The following CILK1 variants were observed in gnomAD, a reference collection of about 807,000 sequenced individuals.
CILK1 encodes the protein ciliogenesis associated kinase 1.
CILK1 carries 47 observed loss-of-function variants against 79.2 expected under a neutral mutation model. The observed-to-expected ratio is 0.59, with a 90% CI of 0.47 to 0.76. The LOEUF is 0.76. Among genes scored for constraint, CILK1 ranks in the 30% least tolerant of loss-of-function variants. The pLI is 0.00. For synonymous variants in CILK1, 266 were observed against 275.9 expected, an observed-to-expected ratio of 0.96 and a Z score of 0.36; for missense variants, 660 against 769.5, an observed-to-expected ratio of 0.86 and a Z score of 1.68.
At chr6:53,043,822 G>GCTTAGGGCACAGGA (rs1562038654) in intron 1 of CILK1, among the ~76,000 whole-genome samples, 1 of 151,730 alleles carries the variant, frequency 6.6e-6, no homozygotes, top group African/African-American at 2.4e-5. Flanking sequence ...TTTCAAGTAT[G>GCTTAGGGCACAGGA]TGGAGGGGAA....
chr6:53,061,339 T>C (rs1768434257), intron 1 of CILK1, among the ~76,000 whole-genome samples: 1 of 152,206 alleles, frequency 6.6e-6, no homozygotes, highest in East Asian at 1.9e-4. Flanking sequence ...GCAACGAGGC[T>C]TCAAATTAGC....
At chr6:53,019,911 A>G (rs1263064666) in intron 5 of CILK1, among the ~76,000 whole-genome samples, 1 of 150,804 alleles carries the variant, frequency 6.6e-6, no homozygotes, top group Non-Finnish European at 1.5e-5. Context: ...GCTTCAAGCT[A>G]TCCTCCTGCC....
At position 53,005,059 on chromosome 6, in the gene CILK1, C is replaced by T; in HGVS notation, c.*90G>A. 7.1e-7 allele frequency: 1 copy of T among 1,410,092 alleles called. No individual in the cohort carries two copies. Among genetic ancestry groups the T allele is most frequent in the Non-Finnish European group, 1.0e-6 (1 of 999,828 alleles). 87.3% of individuals were successfully genotyped at this position (1,410,092 alleles called of 1,614,324 possible). A position where few individuals can be genotyped will look rare whatever the true frequency, so the allele number is the denominator to read the frequency against. Reference sequence around the variant, plus strand: ...ATAAAGTGTTGATTTGCTTTTATGCCCTCTGCACATCTTGCAGGTAGAACA... The same window carrying T: ...ATAAAGTGTTGATTTGCTTTTATGCTCTCTGCACATCTTGCAGGTAGAACA... On this transcript the variant is annotated 3_prime_UTR_variant, in exon 14 of 14. Transcript: ENST00000676107.
intron 5 of CILK1, among the ~76,000 whole-genome samples, chr6:53,022,108 G>A (rs1765280278): frequency 6.6e-6 from 1 of 152,080 alleles, no homozygotes; most frequent in Non-Finnish European, 1.5e-5. Context: ...AGCCATATGT[G>A]TTAAGCCAAA....
At chr6:53,053,178 T>C (rs1231985034) in intron 1 of CILK1, among the ~76,000 whole-genome samples, 2 of 152,176 alleles carry the variant, frequency 1.3e-5, no homozygotes, top group Non-Finnish European at 2.9e-5. Flanking sequence ...GTCTTTTATT[T>C]TCCTCCTCTG....
chr6:53,032,288 A>G (rs937298652), intron 4 of CILK1, among the ~76,000 whole-genome samples: 3 of 152,210 alleles, frequency 2.0e-5, no homozygotes, highest in Admixed American at 6.5e-5. Flanking sequence ...AGGATTGGAG[A>G]AAAAATCAGA....
At chr6:53,056,708 G>T (rs1014342118) in intron 1 of CILK1, among the ~76,000 whole-genome samples, 4 of 152,182 alleles carry the variant, frequency 2.6e-5, no homozygotes, top group African/African-American at 9.7e-5. Context: ...AGTTCCCAGA[G>T]AACTGGCATA....
At chr6:53,046,398 T>G (rs569471143) in intron 1 of CILK1, among the ~76,000 whole-genome samples, 4 of 152,366 alleles carry the variant, frequency 2.6e-5, no homozygotes, top group African/African-American at 9.6e-5. Context: ...ATTGTACAAT[T>G]GGAACAATGG....
chr6:53,054,580 G>T (rs1767717706), intron 1 of CILK1: 1 of 152,294 alleles, frequency 6.6e-6, no homozygotes, highest in Non-Finnish European at 1.5e-5. Context: ...GAATAGCTGG[G>T]GCAGGCAGGC....
At chr6:53,042,204 T>G (rs1255202388) in intron 1 of CILK1, among the ~76,000 whole-genome samples, 1 of 152,226 alleles carries the variant, frequency 6.6e-6, no homozygotes, top group East Asian at 1.9e-4. Flanking sequence ...TAAATAATGC[T>G]CTTTTCTAAT....
chr6:53,032,703 C>T (rs1476701854), intron 3 of CILK1, 49 bp from the exon 4 acceptor site: 24 of 1,500,246 alleles, frequency 1.6e-5, no homozygotes, highest in African/African-American at 2.8e-5. Context: ...TAGAGAAAAT[C>T]TGTTGTTGAA....
At chr6:53,007,966 TAAATAAAATA>T (rs571989940) in intron 12 of CILK1, among the ~76,000 whole-genome samples, 4 of 150,082 alleles carry the variant, frequency 2.7e-5, no homozygotes, top group African/African-American at 9.8e-5. Context: ...TAAAAATAAA[TAAATAAAATA>T]AAATAAAATA....
Position 53,032,631 on chromosome 6 carries a change from G to A in CILK1, c.180C>T (p.Ala60=), listed in dbSNP as rs1766044887. Residue 60 remains alanine (A), a synonymous_variant, in exon 4 of 14, where the codon GCC becomes GCT. Coordinates refer to ENST00000676107, the MANE Select transcript of CILK1 (RefSeq NM_014920.5). ...TAACTTCTTTTAATTTGACTACATT[G>A]GCATGGTTGAGCTTCTTTAAAGACT... ...EVKSLKKLNH[A]NVVKLKEVIR... The A allele has an allele frequency of 6.2e-7, 1 of 1,604,844 alleles. No homozygotes were observed. Among genetic ancestry groups the A allele is most frequent in the African/African-American group, 1.3e-5 (1 of 74,724 alleles).
chr6:53,035,715 C>T (rs1316148136), intron 3 of CILK1, among the ~76,000 whole-genome samples: 1 of 152,178 alleles, frequency 6.6e-6, no homozygotes, highest in Non-Finnish European at 1.5e-5. Flanking sequence ...GTTCCCTTTG[C>T]TGCTGGAATG....
rs1258666222 is a variant in CILK1, at chr6:53,032,635, T to C, written c.176A>G (p.His59Arg). ...TTCTTTTAATTTGACTACATTGGCA[T>C]GGTTGAGCTTCTTTAAAGACTAAAA... ...REVKSLKKLN[H>R]ANVVKLKEVI... is the part of the protein sequence containing the mutation. The change falls in exon 4 of 14, where the codon CAT becomes CGT. Residue 59 changes from histidine to arginine, a missense_variant. Physicochemically the swap from His to Arg is conservative, Grantham distance 29 (BLOSUM62 0). Transcript: ENST00000676107. The C allele has an allele frequency of 6.2e-7, 1 of 1,605,796 alleles. No individual in the cohort carries two copies. The highest frequency in any genetic ancestry group is 8.5e-7 in the Non-Finnish European group (1 of 1,174,340).
At chr6:53,028,612 T>C (rs1204717239) in intron 5 of CILK1, among the ~76,000 whole-genome samples, 1 of 152,238 alleles carries the variant, frequency 6.6e-6, no homozygotes, top group Non-Finnish European at 1.5e-5. Flanking sequence ...GGGCACTTAA[T>C]TGCTGAGGAA....
intron 8 of CILK1, among the ~76,000 whole-genome samples, chr6:53,014,687 G>A (rs956725753): frequency 6.6e-6 from 1 of 152,200 alleles, no homozygotes; most frequent in Non-Finnish European, 1.5e-5. Context: ...TTATATGCAA[G>A]TGTAGATACA....
intron 11 of CILK1, 90 bp from the exon 12 acceptor site, chr6:53,009,657 G>A: frequency 8.9e-7 from 1 of 1,127,796 alleles, no homozygotes; most frequent in Non-Finnish European, 1.3e-6. Context: ...AACTCAATTT[G>A]TCAAAAACTC....
At chr6:53,052,579 A>G (rs1386440174) in intron 1 of CILK1, among the ~76,000 whole-genome samples, 1 of 151,982 alleles carries the variant, frequency 6.6e-6, no homozygotes, top group Non-Finnish European at 1.5e-5. Flanking sequence ...AAAAATACAA[A>G]AATTAACCAG....
Sources: allele counts gnomAD v4.1 joint callset (sites outside exome capture counted in the v4.1 genomes callset), GRCh38; gene constraint gnomAD v4.1.1; transcripts MANE v1.5; gene names NCBI Gene and HGNC (gene_info 2026-07-23, HGNC 2026-07-21).